Variants in NKAIN3 observed in about 807,000 individuals in gnomAD.
NKAIN3 encodes the protein sodium/potassium-transporting ATPase subunit beta-1-interacting protein 3.
NKAIN3 carries 25 observed loss-of-function variants against 30.2 expected under a neutral mutation model. That is an observed-to-expected ratio of 0.83 (90% CI 0.60 to 1.16). NKAIN3 has a LOEUF of 1.16. Among genes scored for constraint, NKAIN3 ranks in the 50% most tolerant of loss-of-function variants. The probability of loss-of-function intolerance (pLI) is 0.00; values close to 1 mark genes in which losing one functional copy is unlikely to be tolerated. For missense variants in NKAIN3, 225 were observed against 254.1 expected (o/e 0.89, Z 0.78); for synonymous variants, 91 against 89.6 (o/e 1.02, Z -0.09).
chr8:62,664,404 T>C (rs554144868), intron 3 of NKAIN3, among the ~76,000 whole-genome samples: 2 of 152,260 alleles, frequency 1.3e-5, no homozygotes, highest in East Asian at 3.9e-4. Context: ...TCAAACCGTC[T>C]ACCTCCCTGT....
downstream of NKAIN3, among the ~76,000 whole-genome samples, chr8:62,989,430 A>T (rs909589403): frequency 2.1e-4 from 32 of 152,332 alleles, no homozygotes; most frequent in African/African-American, 7.7e-4. Context: ...GTCATGTCTT[A>T]CATGGTGGCA....
At chr8:62,835,903 C>A (rs975719876) in intron 4 of NKAIN3, among the ~76,000 whole-genome samples, 1 of 152,102 alleles carries the variant, frequency 6.6e-6, no homozygotes, top group African/African-American at 2.4e-5. Context: ...CATTGCAGTG[C>A]TATTCACAAT....
chr8:62,364,570 G>T (rs569261942), intron 1 of NKAIN3, among the ~76,000 whole-genome samples: 16 of 152,004 alleles, frequency 1.1e-4, no homozygotes. Flanking sequence ...TGGCTGGGCT[G>T]GGTGGCTCAA....
At chr8:62,873,528 A>C (rs1820708571) in intron 4 of NKAIN3, among the ~76,000 whole-genome samples, 1 of 149,386 alleles carries the variant, frequency 6.7e-6, no homozygotes, top group Non-Finnish European at 1.5e-5. Context: ...AAAACAACAG[A>C]ATATACATTC....
chr8:62,926,765 A>G (rs1046910435), intron 5 of NKAIN3, among the ~76,000 whole-genome samples: 21 of 152,220 alleles, frequency 1.4e-4, no homozygotes, highest in African/African-American at 4.8e-4. Flanking sequence ...TGATTTCCTC[A>G]AGTTCCCAGG....
chr8:62,917,738 T>C (rs1319019822), intron 4 of NKAIN3, among the ~76,000 whole-genome samples: 2 of 152,236 alleles, frequency 1.3e-5, no homozygotes, highest in Admixed American at 6.5e-5. Flanking sequence ...ATTTTTAGAC[T>C]GGACTAGATT....
chr8:62,790,447 A>T (rs1817668567), intron 4 of NKAIN3, among the ~76,000 whole-genome samples: 1 of 152,046 alleles, frequency 6.6e-6, no homozygotes, highest in Non-Finnish European at 1.5e-5. Context: ...TTAAAAAGTT[A>T]TGAGAATTTC....
At chr8:62,656,134 T>A (rs972514261) in intron 3 of NKAIN3, among the ~76,000 whole-genome samples, 1 of 152,104 alleles carries the variant, frequency 6.6e-6, no homozygotes, top group Admixed American at 6.6e-5. Flanking sequence ...CATGGAAAGC[T>A]GCAGTACCTT....
chr8:62,708,222 C>A (rs1160153366), intron 3 of NKAIN3, among the ~76,000 whole-genome samples: 1 of 151,996 alleles, frequency 6.6e-6, no homozygotes, highest in South Asian at 2.1e-4. Context: ...TTTTTTGATA[C>A]CATATGAAGT....
At chr8:62,957,842 C>A (rs1823465734) in intron 6 of NKAIN3, among the ~76,000 whole-genome samples, 1 of 152,000 alleles carries the variant, frequency 6.6e-6, no homozygotes, top group African/African-American at 2.4e-5. Context: ...AGAGTGAATC[C>A]TAATGTAAAC....
At chr8:62,361,927 A>G (rs917256417) in intron 1 of NKAIN3, among the ~76,000 whole-genome samples, 2 of 152,068 alleles carry the variant, frequency 1.3e-5, no homozygotes, top group African/African-American at 2.4e-5. Flanking sequence ...TATCATTTAG[A>G]TATTAGCTTC....
At chr8:62,761,193 A>T (rs1217254259) in intron 4 of NKAIN3, among the ~76,000 whole-genome samples, 1 of 152,206 alleles carries the variant, frequency 6.6e-6, no homozygotes, top group Non-Finnish European at 1.5e-5. Flanking sequence ...AGCAAAACTA[A>T]ATGAACTAAT....
At chr8:62,895,485 C>A (rs1433550076) in intron 4 of NKAIN3, among the ~76,000 whole-genome samples, 1 of 152,168 alleles carries the variant, frequency 6.6e-6, no homozygotes, top group Admixed American at 6.6e-5. Flanking sequence ...TGTAGTTTAA[C>A]AAGATCTCAG....
chr8:62,566,316 T>G (rs1010336740), intron 1 of NKAIN3, among the ~76,000 whole-genome samples: 5 of 152,130 alleles, frequency 3.3e-5, no homozygotes, highest in African/African-American at 1.2e-4. Context: ...CTATAGCATA[T>G]ATAATATTTT....
chr8:62,389,616 G>T (rs1473646317), intron 1 of NKAIN3, among the ~76,000 whole-genome samples: 2 of 152,162 alleles, frequency 1.3e-5, no homozygotes, highest in African/African-American at 2.4e-5. Context: ...TTTGCAGAAA[G>T]GGAAAACTGA....
intron 1 of NKAIN3, among the ~76,000 whole-genome samples, chr8:62,326,292 T>C (rs1585683255): frequency 6.6e-6 from 1 of 151,956 alleles, no homozygotes; most frequent in Non-Finnish European, 1.5e-5. Flanking sequence ...GATATCTACA[T>C]GGTAATGAAT....
chr8:62,261,914 A>G (rs1361666556), intron 1 of NKAIN3, among the ~76,000 whole-genome samples: 1 of 152,156 alleles, frequency 6.6e-6, no homozygotes, highest in Non-Finnish European at 1.5e-5. Flanking sequence ...AAAATTAAGG[A>G]GTATGTTGAA....
At chr8:62,529,474 T>C (rs763357328) in intron 1 of NKAIN3, among the ~76,000 whole-genome samples, 8 of 151,838 alleles carry the variant, frequency 5.3e-5, no homozygotes, top group Non-Finnish European at 7.4e-5. Flanking sequence ...CTTTGGAAGG[T>C]GATTGGGACA....
At chr8:62,955,033 T>C (rs963706792) in intron 6 of NKAIN3, among the ~76,000 whole-genome samples, 2 of 152,152 alleles carry the variant, frequency 1.3e-5, no homozygotes, top group Non-Finnish European at 2.9e-5. Flanking sequence ...TTTCACCTGC[T>C]GCCTCTTTGC....
Sources: allele counts gnomAD v4.1 joint callset (sites outside exome capture counted in the v4.1 genomes callset), GRCh38; gene constraint gnomAD v4.1.1; transcripts MANE v1.5; gene names NCBI Gene and HGNC (gene_info 2026-07-23, HGNC 2026-07-21).